The following PCDH15 variants were observed in gnomAD, a reference collection of about 807,000 sequenced individuals.
PCDH15 encodes the protein protocadherin related 15.
Under a neutral mutation model 178.5 loss-of-function variants are expected in PCDH15, and 129 were observed. The ratio of observed to expected loss-of-function variants is 0.72; its 90% CI spans 0.63 to 0.84. PCDH15 has a LOEUF of 0.84. Among genes scored for constraint, PCDH15 ranks in the 40% least tolerant of loss-of-function variants. PCDH15 has a pLI of 0.00. For synonymous variants in PCDH15, 800 were observed against 732.0 expected (o/e 1.09, Z -1.50); for missense variants, 2,230 against 2,099.9 (o/e 1.06, Z -1.21).
chr10:54,961,508 TG>T (rs1364070260), intron 2 of PCDH15, among the ~76,000 whole-genome samples: 1 of 152,074 alleles, frequency 6.6e-6, no homozygotes, highest in Non-Finnish European at 1.5e-5. Flanking sequence ...AGTTCTGGAG[TG>T]GGAACTTATG....
At chr10:55,444,602 GT>G (rs1180445791) in intron 2 of PCDH15, among the ~76,000 whole-genome samples, 61 of 151,986 alleles carry the variant, frequency 4.0e-4, no homozygotes, top group Non-Finnish European at 8.8e-5. Flanking sequence ...TTGTCTTTAG[GT>G]TAGGTAATAA....
At chr10:55,076,200 AT>A (rs906718763) in intron 2 of PCDH15, among the ~76,000 whole-genome samples, 1 of 152,126 alleles carries the variant, frequency 6.6e-6, no homozygotes, top group Non-Finnish European at 1.5e-5. Flanking sequence ...AAGAATGTAT[AT>A]TTTGCAGTTG....
chr10:54,209,135 T>G (rs559954985), intron 10 of PCDH15, among the ~76,000 whole-genome samples: 1 of 152,220 alleles, frequency 6.6e-6, no homozygotes, highest in South Asian at 2.1e-4. Context: ...AAGTGATGAC[T>G]GATGATCTTT....
intron 3 of PCDH15, among the ~76,000 whole-genome samples, chr10:54,829,915 T>A (rs1371405590): frequency 6.6e-6 from 1 of 152,098 alleles, no homozygotes; most frequent in Non-Finnish European, 1.5e-5. Context: ...CTATAAATAT[T>A]ATTCCGAATG....
At chr10:54,409,477 G>A (rs1007878936) in intron 3 of PCDH15, among the ~76,000 whole-genome samples, 1 of 151,796 alleles carries the variant, frequency 6.6e-6, no homozygotes, top group African/African-American at 2.4e-5. Flanking sequence ...TTGAAGATGA[G>A]GAACTAGAAG....
intron 20 of PCDH15, among the ~76,000 whole-genome samples, chr10:54,016,276 T>C (rs1253446281): frequency 4.0e-5 from 6 of 149,596 alleles, no homozygotes; most frequent in Non-Finnish European, 8.9e-5. Flanking sequence ...AAAAAAAACA[T>C]GCTGGTGAGG....
chr10:55,483,847 T>C (rs1840238902), intron 2 of PCDH15, among the ~76,000 whole-genome samples: 1 of 148,254 alleles, frequency 6.7e-6, no homozygotes, highest in Admixed American at 6.8e-5. Context: ...CATGGATACA[T>C]GCATGCATAT....
At chr10:55,471,085 T>C (rs1839946589) in intron 2 of PCDH15, among the ~76,000 whole-genome samples, 2 of 152,222 alleles carry the variant, frequency 1.3e-5, no homozygotes, top group South Asian at 2.1e-4. Context: ...ATTGGTTGTT[T>C]CCAAGTTTTG....
At chr10:54,942,629 C>T (rs369278612) in intron 2 of PCDH15, among the ~76,000 whole-genome samples, 1 of 152,124 alleles carries the variant, frequency 6.6e-6, no homozygotes, top group African/African-American at 2.4e-5. Flanking sequence ...CATCTGCACA[C>T]ATTATAATCT....
intron 2 of PCDH15, among the ~76,000 whole-genome samples, chr10:54,618,656 TTGAG>T (rs1331566188): frequency 6.6e-6 from 1 of 152,102 alleles, no homozygotes; most frequent in African/African-American, 2.4e-5. Flanking sequence ...TGTTATCTAC[TTGAG>T]TGTGTGTATA....
rs543985241 is a variant in PCDH15, at chr10:54,940,792, C to T, written c.-79-43292G>A. 1.0e-3 allele frequency among the ~76,000 whole-genome samples: 132 copies of T among 126,208 alleles called. 1 individual carries two copies. The highest frequency in any genetic ancestry group is 3.3e-3 in the African/African-American group (127 of 38,712). The allele number at this position is 126,208 out of a possible 152,430, so 82.8% of individuals were successfully genotyped here. On this transcript the variant is annotated intron_variant, in intron 2 of 5. Transcript: ENST00000458638. ...ATTAGAAAGTTTTCATCTTTATCTG[C>T]GGTAATTAAAAAAAAACTTTTTATA...
At chr10:54,159,613 G>C (rs1243603768) in intron 13 of PCDH15, among the ~76,000 whole-genome samples, 1 of 151,966 alleles carries the variant, frequency 6.6e-6, no homozygotes, top group African/African-American at 2.4e-5. Flanking sequence ...TTCTTGGTTT[G>C]CTTTTTGATT....
At chr10:54,421,929 C>CTCTATATATATACACTA (rs1955550933) in intron 3 of PCDH15, among the ~76,000 whole-genome samples, 1 of 105,732 alleles carries the variant, frequency 9.5e-6, no homozygotes, top group Non-Finnish European at 1.8e-5. Context: ...TATATATACA[C>CTCTATATATATACACTA]TATATATATA....
At chr10:55,235,334 C>T (rs1841347508) in intron 1 of PCDH15, among the ~76,000 whole-genome samples, 2 of 151,920 alleles carry the variant, frequency 1.3e-5, no homozygotes, top group Admixed American at 6.6e-5. Flanking sequence ...AATTTCCATT[C>T]GTAACTTAGT....
At chr10:54,011,114 CA>C (rs1589897585) in intron 20 of PCDH15, among the ~76,000 whole-genome samples, 1 of 104,566 alleles carries the variant, frequency 9.6e-6, no homozygotes, top group Non-Finnish European at 2.6e-5. Context: ...GCAGCCACCC[CA>C]CTCCCTGGCT....
chr10:53,878,215 A>AATATATATATATATAT (rs140273411), intron 26 of PCDH15, among the ~76,000 whole-genome samples: 6 of 127,452 alleles, frequency 4.7e-5, no homozygotes, highest in East Asian at 2.2e-4. Context: ...ACACACTTTG[A>AATATATATATATATAT]ATATATATAT....
intron 3 of PCDH15, among the ~76,000 whole-genome samples, chr10:54,449,130 G>C (rs962386844): frequency 4.6e-5 from 7 of 151,560 alleles, no homozygotes; most frequent in Non-Finnish European, 1.0e-4. Flanking sequence ...TGAGGGTAAG[G>C]GACTCACTTG....
At chr10:55,083,708 C>T (rs1282108890) in intron 2 of PCDH15, among the ~76,000 whole-genome samples, 1 of 151,810 alleles carries the variant, frequency 6.6e-6, no homozygotes, top group East Asian at 1.9e-4. Flanking sequence ...CTGATAAACA[C>T]ATTCAGTTAA....
At chr10:53,948,576 G>A (rs764041511) in intron 23 of PCDH15, among the ~76,000 whole-genome samples, 34 of 152,252 alleles carry the variant, frequency 2.2e-4, no homozygotes, top group Middle Eastern at 3.4e-3. Flanking sequence ...ATTAAGCACC[G>A]GAGGAGTTGG....
Sources: gnomAD v4.1 joint callset for allele counts (sites outside exome capture counted in the v4.1 genomes callset) on GRCh38, gnomAD v4.1.1 for gene constraint, MANE v1.5 for transcripts, NCBI Gene and HGNC (gene_info 2026-07-23, HGNC 2026-07-21) for gene names.